The following SMPD3 variants were observed in gnomAD, a reference collection of about 807,000 sequenced individuals.
SMPD3 encodes sphingomyelin phosphodiesterase 3.
In SMPD3, 21 loss-of-function variants were observed where a neutral mutation model predicts 55.7. The ratio of observed to expected loss-of-function variants is 0.38; its 90% confidence interval spans 0.27 to 0.54. The LOEUF (loss-of-function observed/expected upper bound fraction) is 0.54. Ranked by LOEUF, SMPD3 falls within the 20% of genes least tolerant of loss-of-function variation. SMPD3 has a pLI of 0.80. For synonymous variants in SMPD3, 457 were observed against 404.3 expected, an observed-to-expected ratio of 1.13 and a Z score of -1.56; for missense variants, 842 against 899.6, an observed-to-expected ratio of 0.94 and a Z score of 0.82.
At chr16:68,426,807 G>T (rs531123607) in intron 1 of SMPD3, among the ~76,000 whole-genome samples, 2 of 152,044 alleles carry the variant, frequency 1.3e-5, no homozygotes, top group East Asian at 1.9e-4. Flanking sequence ...TTAATAACAA[G>T]AATAATAATA....
chr16:68,398,567 G>C (rs2090180187), intron 1 of SMPD3, among the ~76,000 whole-genome samples: 1 of 152,160 alleles, frequency 6.6e-6, no homozygotes, highest in Admixed American at 6.5e-5. Context: ...CACTTTTCTT[G>C]ACCAGAAATA....
chr16:68,371,212 G>A lies in SMPD3; in HGVS notation c.970C>T (p.Leu324=). The part of the protein sequence containing the change: ...SGEPGANSKL[L]YKASVVKKAA... The stretch of plus-strand genomic sequence containing the variant: ...TTCTTCACCACCGAGGCCTTGTACA[G>A]GAGCTTGCTGTTGGCACCTGGCTCC... Residue 324 remains leucine, a synonymous_variant, in exon 3 of 9, where the codon CTG becomes TTG. Coordinates refer to ENST00000219334, the MANE Select transcript of SMPD3 (RefSeq NM_018667.4). The A allele has an allele frequency of 1.2e-6, 2 of 1,609,520 alleles. No individual in the cohort carries two copies. The highest frequency in any genetic ancestry group is 1.7e-6 in the Non-Finnish European group (2 of 1,178,234).
chr16:68,435,833 T>C (rs983048027), intron 1 of SMPD3, among the ~76,000 whole-genome samples: 7 of 152,250 alleles, frequency 4.6e-5, no homozygotes, highest in African/African-American at 1.7e-4. Flanking sequence ...TGGTCAGTGC[T>C]ATGGCAGGGC....
At chr16:68,415,690 A>G (rs1268638732) in intron 1 of SMPD3, among the ~76,000 whole-genome samples, 3 of 152,184 alleles carry the variant, frequency 2.0e-5, no homozygotes, top group Non-Finnish European at 2.9e-5. Flanking sequence ...TTTAAATGTT[A>G]ACATGAGGTT....
chr16:68,370,492 C>T (rs1016453432), intron 3 of SMPD3, among the ~76,000 whole-genome samples: 2 of 152,208 alleles, frequency 1.3e-5, no homozygotes. Flanking sequence ...ACCATCTCCA[C>T]GGCTACCACC....
At chr16:68,405,362 G>A (rs2090245036) in intron 1 of SMPD3, among the ~76,000 whole-genome samples, 1 of 151,726 alleles carries the variant, frequency 6.6e-6, no homozygotes, top group Non-Finnish European at 1.5e-5. Flanking sequence ...ACCAGCCTGG[G>A]CAACATGGCA....
Position 68,363,941 on chromosome 16 carries a change from A to G in SMPD3, c.1556-75T>C, listed in dbSNP as rs545357986. On this transcript the variant is annotated intron_variant, in intron 5 of 8. Coordinates refer to ENST00000219334, the MANE Select transcript of SMPD3 (RefSeq NM_018667.4). ...CACACGGCCTGTGCCCCTGCTTCCC[A>G]TCAGTTACTCCCCATGTGCTGCCAG... 7.4e-5 allele frequency: 98 copies of G among 1,330,896 alleles called. No individual in the cohort carries two copies. In the African/African-American group the frequency reaches 1.3e-3, roughly 18 times the overall value. 82.4% of individuals were successfully genotyped at this position (1,330,896 alleles called of 1,614,324 possible). A position where few individuals can be genotyped will look rare whatever the true frequency, so the allele number is the denominator to read the frequency against.
At chr16:68,440,033 T>C (rs2090553868) in intron 1 of SMPD3, among the ~76,000 whole-genome samples, 1 of 152,204 alleles carries the variant, frequency 6.6e-6, no homozygotes, top group Non-Finnish European at 1.5e-5. Context: ...TGAAAGATTG[T>C]GTAGAGTGTG....
chr16:68,429,627 G>C (rs1443765464), intron 1 of SMPD3, among the ~76,000 whole-genome samples: 1 of 152,194 alleles, frequency 6.6e-6, no homozygotes, highest in African/African-American at 2.4e-5. Context: ...AGCTGGGGAG[G>C]GGTGGGGTTG....
intron 1 of SMPD3, among the ~76,000 whole-genome samples, chr16:68,398,139 G>T (rs1016167503): frequency 6.6e-6 from 1 of 152,138 alleles, no homozygotes; most frequent in African/African-American, 2.4e-5. Context: ...AGCTGTGGAT[G>T]TTCTCAGGGA....
At chr16:68,363,451 T>C in intron 7 of SMPD3, 45 bp downstream of exon 7, 1 of 1,603,818 alleles carries the variant, frequency 6.2e-7, no homozygotes, top group South Asian at 1.1e-5. Context: ...GTCTCCACCT[T>C]AGTCAGGGTG....
Position 68,365,036 on chromosome 16 carries a change from T to C in SMPD3, c.1380A>G (p.Thr460=), listed in dbSNP as rs138065671. The change falls in exon 4 of 9, where the codon ACA becomes ACG. Residue 460 remains threonine (T), a synonymous_variant. Coordinates refer to ENST00000219334, the MANE Select transcript of SMPD3 (RefSeq NM_018667.4). ...CCCTACCTTGCGGGGCATGCAGGTG[T>C]GTGCAGGCGATGTACCCGACGATTC... ...DQRIVGYIAC[T]HLHAPQEDSA... is the part of the protein sequence containing the mutation. The C allele has an allele frequency of 4.8e-4, 772 of 1,614,068 alleles. 8 individuals carry two copies. In the East Asian group the frequency reaches 0.015, roughly 32 times the overall value.
chr16:68,390,227 T>C (rs923599458), intron 1 of SMPD3, among the ~76,000 whole-genome samples: 11 of 152,360 alleles, frequency 7.2e-5, no homozygotes, highest in African/African-American at 2.4e-4. Flanking sequence ...TAATGAGCAG[T>C]GAGGACAACC....
intron 1 of SMPD3, among the ~76,000 whole-genome samples, chr16:68,428,847 C>T (rs1236986554): frequency 5.9e-5 from 9 of 152,154 alleles, no homozygotes; most frequent in Admixed American, 2.6e-4. Context: ...GCAGCGTGTG[C>T]AGAGAGCCCA....
intron 2 of SMPD3, among the ~76,000 whole-genome samples, chr16:68,379,871 G>A (rs2151994728): frequency 6.6e-6 from 1 of 152,368 alleles, no homozygotes; most frequent in South Asian, 2.1e-4. Context: ...CCCAGATGAA[G>A]CCAACTCGGG....
intron 3 of SMPD3, chr16:68,368,815 C>A (rs925786302): frequency 8.5e-5 from 13 of 152,234 alleles, no homozygotes; most frequent in African/African-American, 3.1e-4. Context: ...GCGGGGCAGC[C>A]AACCACGGCT....
intron 1 of SMPD3, among the ~76,000 whole-genome samples, chr16:68,393,194 C>T (rs1345621526): frequency 2.0e-5 from 3 of 152,140 alleles, no homozygotes; most frequent in Non-Finnish European, 2.9e-5. Context: ...CTCTTGAGGT[C>T]AGGAGTTCAA....
chr16:68,385,679 C>T (rs117256237), intron 2 of SMPD3, among the ~76,000 whole-genome samples: 2,630 of 152,266 alleles, frequency 0.017, 32 homozygotes, highest in Non-Finnish European at 0.028. Context: ...TTACAGTAGT[C>T]TTGTTTTCGC....
chr16:68,362,683 G>A (rs894668693), intron 7 of SMPD3, among the ~76,000 whole-genome samples: 2 of 152,232 alleles, frequency 1.3e-5, no homozygotes, highest in African/African-American at 2.4e-5. Context: ...CTTCCACAAG[G>A]TTTTCATCAG....
Sources: allele counts gnomAD v4.1 joint callset (sites outside exome capture counted in the v4.1 genomes callset), GRCh38; gene constraint gnomAD v4.1.1; transcripts MANE v1.5; gene names NCBI Gene and HGNC (gene_info 2026-07-23, HGNC 2026-07-21).